FAM149A: variants seen among roughly 807,000 people sequenced by gnomAD.
FAM149A encodes the protein protein FAM149A.
A neutral mutation model predicts 78.2 loss-of-function variants in FAM149A; 71 were observed. The ratio of observed to expected loss-of-function variants is 0.91; its 90% CI spans 0.75 to 1.11. FAM149A has a LOEUF of 1.11. FAM149A is among the 50% of genes least tolerant of loss of function. The pLI is 0.00. For missense variants in FAM149A, 1,036 were observed against 971.0 expected (o/e 1.07, Z -0.89); for synonymous variants, 446 against 410.5 (o/e 1.09, Z -1.04).
At chr4:186,116,606 TTA>T (rs869224742) in intron 1 of FAM149A, 6,551 of 568,898 alleles carry the variant, frequency 0.012, no homozygotes, top group South Asian at 0.013. Flanking sequence ...TTTTTTTTTT[TTA>T]ATTTGAGACA....
chr4:186,118,860 T>C (rs1322741742), intron 1 of FAM149A, among the ~76,000 whole-genome samples: 1 of 152,214 alleles, frequency 6.6e-6, no homozygotes, highest in African/African-American at 2.4e-5. Flanking sequence ...TTCCCATTCT[T>C]ATTCCTGCTT....
intron 4 of FAM149A, chr4:186,153,409 T>G (rs1409390491): frequency 2.0e-6 from 2 of 985,040 alleles, no homozygotes; most frequent in Admixed American, 1.2e-4. Flanking sequence ...GTTTTGCAAA[T>G]GAAAGACAAA....
rs185346014 is a variant in FAM149A at position 186,116,813 on chromosome 4, G to A, written c.566+11171G>A. The A allele has an allele frequency of 1.1e-4, 110 of 972,790 alleles. 1 individual carries two copies. In the East Asian group the frequency reaches 0.011, roughly 97 times the overall value. 60.3% of individuals were successfully genotyped at this position (972,790 alleles called of 1,614,324 possible). A position where few individuals can be genotyped will look rare whatever the true frequency, so the allele number is the denominator to read the frequency against. ...TGTGTGTTTAAAGAACACATGTTGAGTGTTTTCTAAGTTCTTATCCAACAA... is the reference window on the plus strand; with the variant it reads ...TGTGTGTTTAAAGAACACATGTTGAATGTTTTCTAAGTTCTTATCCAACAA... On this transcript the variant is annotated intron_variant, in intron 1 of 13. Coordinates refer to ENST00000389354, the MANE Select transcript of FAM149A (RefSeq NM_001367768.3).
chr4:186,125,186 G>A, intron 1 of FAM149A: 1 of 862,748 alleles, frequency 1.2e-6, no homozygotes, highest in Non-Finnish European at 1.4e-6. Flanking sequence ...GGAAATCCTT[G>A]CTGTTGGCAT....
intron 10 of FAM149A, 79 bp from the exon 11 acceptor site, chr4:186,165,265 C>G: frequency 6.5e-7 from 1 of 1,531,230 alleles, no homozygotes; most frequent in Non-Finnish European, 9.0e-7. Flanking sequence ...ACATTGAAAT[C>G]ACAGCTCTTG....
At chr4:186,125,901 C>T (rs962937186) in intron 1 of FAM149A, 2 of 985,368 alleles carry the variant, frequency 2.0e-6, no homozygotes, top group Middle Eastern at 5.2e-4. Flanking sequence ...GTGGCACCCT[C>T]TCTGTGTCCT....
rs754348288 is a variant in FAM149A at position 186,164,270 on chromosome 4, T to C, written c.1889+637T>C. ...ATTTATTCCCCACCACAAAACTTTA[T>C]ATTGTTGGGACTCATACTATCCCAA... On this transcript the variant is annotated intron_variant, in intron 10 of 13. Coordinates refer to ENST00000389354, the MANE Select transcript of FAM149A (RefSeq NM_001367768.3). This position sits in a 1 kb window ranked among gnomAD's most constrained non-coding sequence, Gnocchi z 4.0. Among the ~76,000 whole-genome samples, 14 of 152,242 alleles carry C rather than the reference T, an allele frequency of 9.2e-5. No individual in the cohort carries two copies. Among genetic ancestry groups the C allele is most frequent in the Non-Finnish European group, 1.6e-4 (11 of 68,038 alleles).
rs2099308123 is a variant in FAM149A, at chr4:186,104,833, G to A, written c.-244G>A. The A allele has an allele frequency of 2.0e-6, 1 of 511,732 alleles. No individual in the cohort carries two copies. The highest frequency in any genetic ancestry group is 2.5e-6 in the Non-Finnish European group (1 of 397,164). The allele number at this position is 511,732 out of a possible 1,614,324, so 31.7% of individuals were successfully genotyped here. On this transcript the variant is annotated 5_prime_UTR_variant, in exon 1 of 14. Transcript: ENST00000389354. The stretch of plus-strand genomic sequence containing the variant: ...GCCCTTCGGCCCTCGGGGGTCTCAC[G>A]GCGCTGGGACGAGGCGGGGCTGCTC...
At chr4:186,154,945 T>A in intron 6 of FAM149A, 1 of 983,908 alleles carries the variant, frequency 1.0e-6, no homozygotes, top group Non-Finnish European at 1.2e-6. Flanking sequence ...TTCCTGCCTC[T>A]GTACTAAATT....
intron 1 of FAM149A, among the ~76,000 whole-genome samples, chr4:186,110,787 T>C (rs1447917409): frequency 3.4e-5 from 5 of 149,196 alleles, no homozygotes; most frequent in African/African-American, 1.2e-4. Flanking sequence ...CTTAATCCAG[T>C]CTATCATTGT....
At chr4:186,156,383 T>C (rs1734035137) in intron 7 of FAM149A, among the ~76,000 whole-genome samples, 193 bp downstream of exon 7, 1 of 152,162 alleles carries the variant, frequency 6.6e-6, no homozygotes, top group South Asian at 2.1e-4. Flanking sequence ...TAAAAAATAA[T>C]GCAGGGCTGG....
chr4:186,160,708 C>A, intron 8 of FAM149A: 1 of 780,294 alleles, frequency 1.3e-6, no homozygotes, highest in Non-Finnish European at 1.5e-6. Context: ...CACACTACCA[C>A]ACACCACACA....
chr4:186,155,974 TA>T (rs1425081709), intron 6 of FAM149A, 25 bp from the exon 7 acceptor site: 1 of 1,594,416 alleles, frequency 6.3e-7, no homozygotes, highest in East Asian at 2.2e-5. Flanking sequence ...GATCTTTTAG[TA>T]ATTGGAGTGG....
intron 1 of FAM149A, among the ~76,000 whole-genome samples, chr4:186,129,143 CTGTGTGTGTCTGTGCATG>C (rs1173052884): frequency 3.7e-5 from 4 of 106,932 alleles, no homozygotes; most frequent in African/African-American, 6.4e-5. Flanking sequence ...CTCTGTGTGT[CTGTGTGTGTCTGTGCATG>C]TGTGTATGTG....
chr4:186,139,296 T>C (rs1028216859), intron 1 of FAM149A, among the ~76,000 whole-genome samples: 34 of 152,146 alleles, frequency 2.2e-4, no homozygotes, highest in African/African-American at 8.0e-4. Flanking sequence ...GGAGCCCTGG[T>C]CCCTCTATTG....
At chr4:186,145,502 T>C (rs926414517) in intron 1 of FAM149A, among the ~76,000 whole-genome samples, 1 of 152,194 alleles carries the variant, frequency 6.6e-6, no homozygotes, top group South Asian at 2.1e-4. Flanking sequence ...AAAGCTGCTG[T>C]CACTGACATT....
intron 1 of FAM149A, chr4:186,127,096 GC>G: frequency 1.0e-6 from 1 of 985,370 alleles, no homozygotes; most frequent in South Asian, 4.7e-5. Context: ...TCTCTGAGAA[GC>G]CCTGCCTTCC....
intron 9 of FAM149A, 74 bp from the exon 10 acceptor site, chr4:186,163,350 A>G (rs1025278390): frequency 5.7e-6 from 7 of 1,232,902 alleles, no homozygotes; most frequent in South Asian, 2.4e-5. Context: ...GCAGTGCTCA[A>G]CTAAGCACAG....
chr4:186,165,529 C>G (rs1734961207), intron 11 of FAM149A, 65 bp downstream of exon 11: 2 of 1,550,534 alleles, frequency 1.3e-6, no homozygotes, highest in East Asian at 4.5e-5. Context: ...CAAACAAAAA[C>G]AACCTTGGCA....
Sources: allele counts gnomAD v4.1 joint callset (sites outside exome capture counted in the v4.1 genomes callset), GRCh38; gene constraint gnomAD v4.1.1; non-coding constraint Gnocchi (gnomAD v3.1); transcripts MANE v1.5; gene names NCBI Gene and HGNC (gene_info 2026-07-23, HGNC 2026-07-21).